The following KDM4B variants were observed in gnomAD, a reference collection of about 807,000 sequenced individuals.
The protein encoded by KDM4B is lysine demethylase 4B, also known as lysine-specific demethylase 4B.
KDM4B carries 32 observed loss-of-function variants against 125.2 expected under a neutral mutation model. The ratio of observed to expected loss-of-function variants is 0.26; its 90% CI spans 0.19 to 0.34. The LOEUF is 0.34. Among genes scored for constraint, KDM4B ranks in the 10% least tolerant of loss-of-function variants. The pLI is 1.00. For synonymous variants in KDM4B, 721 were observed against 677.9 expected (o/e 1.06, Z -0.99); for missense variants, 1,190 against 1,577.7 (o/e 0.75, Z 4.16).
intron 1 of KDM4B, among the ~76,000 whole-genome samples, chr19:4,996,725 G>A (rs1041405375): frequency 6.6e-6 from 1 of 152,100 alleles, no homozygotes; most frequent in South Asian, 2.1e-4. Context: ...CTGTCTCCTC[G>A]TGCTGGTTCT....
Position 5,035,468 on chromosome 19 carries a change from G to C in KDM4B, c.141+2437G>C, listed in dbSNP as rs987016877. 6.6e-6 allele frequency among the ~76,000 whole-genome samples: 1 copy of C among 152,040 alleles called. No homozygotes were observed. Among genetic ancestry groups the C allele is most frequent in the African/African-American group, 2.4e-5 (1 of 41,390 alleles). ...CGGGCTCCATGCCCCGGTGTTTCCG[G>C]CTCTCTCTGCCCTCCACGTGGCGGC... On this transcript the variant is annotated intron_variant, in intron 3 of 22. Transcript: ENST00000159111. This position sits in a 1 kb window ranked among gnomAD's most constrained non-coding sequence, Gnocchi z 5.3.
intron 9 of KDM4B, among the ~76,000 whole-genome samples, chr19:5,105,103 G>A (rs2039009691): frequency 6.6e-6 from 1 of 152,214 alleles, no homozygotes; most frequent in Non-Finnish European, 1.5e-5. Flanking sequence ...GAGTTCTGGG[G>A]GCAGCGTGCC....
chr19:4,982,727 C>G (rs1349333808), intron 1 of KDM4B, among the ~76,000 whole-genome samples: 2 of 152,022 alleles, frequency 1.3e-5, no homozygotes, highest in Non-Finnish European at 2.9e-5. Flanking sequence ...ATTCTCCTGT[C>G]TCAGCCTCCT....
chr19:5,049,609 C>T (rs1255482710), intron 6 of KDM4B, among the ~76,000 whole-genome samples: 3 of 152,108 alleles, frequency 2.0e-5, no homozygotes, highest in East Asian at 1.9e-4. Context: ...TCAGCTCAGC[C>T]TGCTTAGCAC....
At chr19:5,047,128 T>C (rs2037050477) in intron 5 of KDM4B, 2 of 201,108 alleles carry the variant, frequency 9.9e-6, no homozygotes, top group African/African-American at 4.6e-5. Context: ...ACTTCATCTC[T>C]ACACAGAAAA....
chr19:5,151,548 G>A lies in KDM4B; in HGVS notation c.*37G>A, dbSNP rs1023773743. ...GCTCAGGCGACCCTCAGCCCGGCGG[G>A]GAGGCCATGGCATGCCCCGGGCGTT... is the stretch of plus-strand genomic sequence containing the variant. On this transcript the variant is annotated 3_prime_UTR_variant, in exon 23 of 23. Transcript: ENST00000159111. 41 of 1,311,238 alleles carry A rather than the reference G, an allele frequency of 3.1e-5. No homozygotes were observed. Among genetic ancestry groups the A allele is most frequent in the Non-Finnish European group, 3.6e-5 (37 of 1,025,526 alleles). The allele number at this position is 1,311,238 out of a possible 1,614,324, so 81.2% of individuals were successfully genotyped here.
At position 5,041,244 on chromosome 19, in the gene KDM4B, A is replaced by T; in HGVS notation, c.425A>T (p.Tyr142Phe). Residue 142 changes from tyrosine to phenylalanine, a missense_variant, in exon 5 of 23, where the codon TAT becomes TTT. Physicochemically the swap from Tyr to Phe is conservative, Grantham distance 22. Transcript: ENST00000159111. The part of the protein sequence containing the change: ...IYGADISGSL[Y>F]DDDVAQWNIG... ...GGGGCTGACATCAGCGGCTCTTTGT[A>T]TGATGACGTAAGTATGAGGCTCCGG... 1 of 1,610,632 alleles carries T rather than the reference A, an allele frequency of 6.2e-7. No homozygotes were observed. The highest frequency in any genetic ancestry group is 8.5e-7 in the Non-Finnish European group (1 of 1,177,426).
chr19:4,969,651 G>GA lies in KDM4B; in HGVS notation c.-109+426dup, dbSNP rs529293869. ...TATTATTATTTTTGAAAGAAAGCAA[G>GA]AAAAAGGAAAAAGACCCCAGCCCCT... On this transcript the variant is annotated intron_variant, in intron 1 of 22. Coordinates refer to ENST00000159111, the MANE Select transcript of KDM4B (RefSeq NM_015015.3). Among the ~76,000 whole-genome samples the GA allele has an allele frequency of 4.6e-3, 700 of 152,102 alleles. 4 individuals carry two copies. Among genetic ancestry groups the GA allele is most frequent in the Middle Eastern group, 0.01 (3 of 294 alleles).
At chr19:5,102,574 G>A (rs1021341444) in intron 9 of KDM4B, among the ~76,000 whole-genome samples, 10 of 152,216 alleles carry the variant, frequency 6.6e-5, no homozygotes, top group African/African-American at 2.2e-4. Flanking sequence ...AATGGGGCCG[G>A]GGCCGGGGTG....
At chr19:5,133,627 G>A (rs1568318250) in intron 13 of KDM4B, among the ~76,000 whole-genome samples, 1 of 152,226 alleles carries the variant, frequency 6.6e-6, no homozygotes, top group Non-Finnish European at 1.5e-5. Context: ...TGGGGGCTCT[G>A]GCCTCAGGTG....
intron 5 of KDM4B, among the ~76,000 whole-genome samples, chr19:5,043,852 C>T (rs546493093): frequency 1.1e-4 from 14 of 128,214 alleles, no homozygotes; most frequent in African/African-American, 2.5e-4. Flanking sequence ...CTGTGTTTAT[C>T]GGAGTGGGGT....
intron 2 of KDM4B, among the ~76,000 whole-genome samples, chr19:5,026,535 A>T (rs907382058): frequency 6.6e-6 from 1 of 152,100 alleles, no homozygotes; most frequent in African/African-American, 2.4e-5. Flanking sequence ...GTTAATTAGT[A>T]GTCTTCCAGA....
chr19:5,033,598 C>A (rs8106866), intron 3 of KDM4B, among the ~76,000 whole-genome samples: 126,091 of 152,002 alleles, frequency 0.83, 52,956 homozygotes, highest in Non-Finnish European at 0.91. Flanking sequence ...AGTCAGACCA[C>A]ACCAGAAACA....
At chr19:5,132,068 G>A in intron 13 of KDM4B, 61 bp downstream of exon 13, 1 of 1,499,760 alleles carries the variant, frequency 6.7e-7, no homozygotes, top group Admixed American at 2.4e-5. Context: ...GCTGCTGCTG[G>A]AGGGGGGGCC....
At chr19:5,094,964 G>C (rs2038789715) in intron 9 of KDM4B, among the ~76,000 whole-genome samples, 2 of 152,210 alleles carry the variant, frequency 1.3e-5, no homozygotes, top group South Asian at 4.1e-4. Context: ...GTCCTGTGGA[G>C]GGGTCTGCAG....
chr19:4,996,283 C>T (rs1353895552), intron 1 of KDM4B, among the ~76,000 whole-genome samples: 1 of 152,200 alleles, frequency 6.6e-6, no homozygotes, highest in African/African-American at 2.4e-5. Flanking sequence ...AGCTACTGCA[C>T]CGAACTACTT....
chr19:5,087,055 C>T (rs541051653), intron 9 of KDM4B, among the ~76,000 whole-genome samples: 20 of 152,370 alleles, frequency 1.3e-4, no homozygotes, highest in Non-Finnish European at 2.2e-4. Flanking sequence ...TCTCCCCTCC[C>T]GTCTTCTGCA....
intron 10 of KDM4B, chr19:5,111,733 A>C: frequency 2.6e-6 from 2 of 763,674 alleles, no homozygotes; most frequent in Non-Finnish European, 4.8e-6. Flanking sequence ...TCCTCCGGGG[A>C]AGGGCCAGAG....
intron 10 of KDM4B, chr19:5,111,351 C>T (rs765521413): frequency 4.0e-6 from 3 of 758,238 alleles, no homozygotes; most frequent in Middle Eastern, 2.3e-4. Flanking sequence ...GGGGCGTGAC[C>T]CTGGATGCCC....
Sources: allele counts gnomAD v4.1 joint callset (sites outside exome capture counted in the v4.1 genomes callset), GRCh38; gene constraint gnomAD v4.1.1; non-coding constraint Gnocchi (gnomAD v3.1); transcripts MANE v1.5; gene names NCBI Gene and HGNC (gene_info 2026-07-23, HGNC 2026-07-21).